The following RYR3 variants were observed in gnomAD, a reference collection of about 807,000 sequenced individuals.
The protein encoded by RYR3 is brain ryanodine receptor-calcium release channel.
RYR3 carries 207 observed loss-of-function variants against 584.3 expected under a neutral mutation model. The ratio of observed to expected loss-of-function variants is 0.35; its 90% CI spans 0.32 to 0.40. The LOEUF (loss-of-function observed/expected upper bound fraction) is 0.40. RYR3 is among the 10% of genes least tolerant of loss of function. RYR3 has a pLI of 1.00. For missense variants in RYR3, 5,616 were observed against 6,089.2 expected, an observed-to-expected ratio of 0.92 and a Z score of 2.59; for synonymous variants, 2,416 against 2,248.5, an observed-to-expected ratio of 1.07 and a Z score of -2.11.
At chr15:33,634,361 T>C (rs866552449) in intron 24 of RYR3, among the ~76,000 whole-genome samples, 4 of 152,228 alleles carry the variant, frequency 2.6e-5, no homozygotes, top group African/African-American at 9.6e-5. Flanking sequence ...AAAAGTGTTT[T>C]TTAATGCTAG....
intron 12 of RYR3, among the ~76,000 whole-genome samples, chr15:33,569,145 A>G (rs1253614595): frequency 6.6e-6 from 1 of 152,210 alleles, no homozygotes; most frequent in African/African-American, 2.4e-5. Context: ...ATTACTAAGA[A>G]CAATGTTTCT....
intron 82 of RYR3, 46 bp downstream of exon 82, chr15:33,825,722 T>C: frequency 1.6e-6 from 1 of 636,236 alleles, no homozygotes; most frequent in South Asian, 2.3e-5. Flanking sequence ...CTGATTAAAA[T>C]CTTTTTTTTT....
chr15:33,718,115 G>A (rs964881188), intron 43 of RYR3, among the ~76,000 whole-genome samples: 1 of 152,190 alleles, frequency 6.6e-6, no homozygotes, highest in African/African-American at 2.4e-5. Flanking sequence ...AATTAAATGA[G>A]TGTCAGTACA....
chr15:33,344,185 G>A (rs1433963786), intron 1 of RYR3, among the ~76,000 whole-genome samples: 1 of 152,114 alleles, frequency 6.6e-6, no homozygotes, highest in Non-Finnish European at 1.5e-5. Context: ...TGAAGGTGAG[G>A]TTTCAATTCA....
At chr15:33,794,128 T>TAATATA (rs1491241987) in intron 67 of RYR3, among the ~76,000 whole-genome samples, 1 of 97,788 alleles carries the variant, frequency 1.0e-5, no homozygotes, top group Non-Finnish European at 1.9e-5. Context: ...TAAATATATA[T>TAATATA]TTATATATAA....
chr15:33,763,607 G>A (rs532317532), intron 60 of RYR3, among the ~76,000 whole-genome samples: 6 of 151,856 alleles, frequency 4.0e-5, no homozygotes, highest in South Asian at 4.2e-4. Flanking sequence ...TTAAAAAGTC[G>A]GGAGGGCAGC....
At chr15:33,615,886 T>G (rs1174087046) in intron 19 of RYR3, among the ~76,000 whole-genome samples, 1 of 152,174 alleles carries the variant, frequency 6.6e-6, no homozygotes. Flanking sequence ...AGCCCTATTT[T>G]CCATCTTCCC....
At chr15:33,597,543 G>A (rs1044352094) in intron 16 of RYR3, among the ~76,000 whole-genome samples, 2 of 151,548 alleles carry the variant, frequency 1.3e-5, no homozygotes, top group African/African-American at 4.9e-5. Context: ...CCCGGGAGGC[G>A]GAGGTTGCAG....
chr15:33,454,379 AAAAT>A (rs978077689), intron 1 of RYR3, among the ~76,000 whole-genome samples: 6 of 152,214 alleles, frequency 3.9e-5, no homozygotes, highest in African/African-American at 1.4e-4. Context: ...CCTGGGCTAA[AAAAT>A]AAAAACTAGA....
At chr15:33,725,186 CACACACACACACACACAT>C (rs1166749163) in intron 45 of RYR3, among the ~76,000 whole-genome samples, 1 of 148,266 alleles carries the variant, frequency 6.7e-6, no homozygotes, top group Non-Finnish European at 1.5e-5. Context: ...CACACACACA[CACACACACACACACACAT>C]ATATACATCC....
intron 67 of RYR3, among the ~76,000 whole-genome samples, chr15:33,789,777 C>A (rs1451468961): frequency 7.6e-6 from 1 of 131,138 alleles, no homozygotes. Flanking sequence ...TGGGCTCATG[C>A]GATTCTCCCA....
chr15:33,513,747 C>G (rs946209301), intron 3 of RYR3, among the ~76,000 whole-genome samples: 5 of 152,106 alleles, frequency 3.3e-5, no homozygotes, highest in African/African-American at 1.2e-4. Context: ...ACATTCTAGC[C>G]TTGGTATTCC....
At chr15:33,665,839 G>A (rs2063465993) in intron 36 of RYR3, among the ~76,000 whole-genome samples, 1 of 152,216 alleles carries the variant, frequency 6.6e-6, no homozygotes, top group South Asian at 2.1e-4. Context: ...TGATGAGTAT[G>A]TACCATCCTT....
In RYR3 at chr15:33,727,760, A is replaced by G. The variant is rs559655022; in HGVS notation, c.7034-1097A>G. Among the ~76,000 whole-genome samples, 14 of 152,202 alleles carry G rather than the reference A, an allele frequency of 9.2e-5. No homozygotes were observed. The East Asian group carries it at 1.5e-3, about 17-fold the overall frequency. ...CTCAGGGTTCCTTATGAAGTCCCAC[A>G]CTTTTCCGGTACAGTATTTAAATAT... On this transcript the variant is annotated intron_variant, in intron 46 of 103. Transcript: ENST00000634891.
At position 33,813,497 on chromosome 15, in the gene RYR3, G is replaced by A. The variant is rs201678035; in HGVS notation, c.10420G>A (p.Val3474Ile). 68 of 1,613,876 alleles carry A rather than the reference G, an allele frequency of 4.2e-5. No homozygotes were observed. The African/African-American group carries it at 5.2e-4, about 12-fold the overall frequency. Residue 3474 changes from valine to isoleucine, a missense_variant, in exon 74 of 104, where the codon GTC becomes ATC. This residue lies in a region of RYR3 where 954 missense variants were observed against 1,132.2 expected (regional missense o/e 0.84). Coordinates refer to ENST00000634891, the MANE Select transcript of RYR3 (RefSeq NM_001036.6). The part of the protein sequence containing the change: ...VEQPLRSKKA[V>I]WHKLLSKQRK... ...ACAGCCTTTGAGGTCCAAGAAGGCC[G>A]TCTGGCACAAACTGTTATCAAAGCA...
intron 92 of RYR3, among the ~76,000 whole-genome samples, chr15:33,843,872 G>A (rs1390898060): frequency 6.6e-6 from 1 of 152,132 alleles, no homozygotes; most frequent in East Asian, 1.9e-4. Flanking sequence ...GAACAACAAG[G>A]TATTTCAAAA....
At chr15:33,826,158 A>G (rs1041958435) in intron 82 of RYR3, 94 bp from the exon 83 acceptor site, 1 of 1,183,332 alleles carries the variant, frequency 8.5e-7, no homozygotes, top group South Asian at 1.2e-5. Context: ...TCTAGGATGG[A>G]TGTGTTCACA....
At chr15:33,781,460 C>T (rs1381370835) in intron 65 of RYR3, among the ~76,000 whole-genome samples, 1 of 152,194 alleles carries the variant, frequency 6.6e-6, no homozygotes, top group Non-Finnish European at 1.5e-5. Context: ...GTTCAAGCCC[C>T]CTTTCTCAAA....
At chr15:33,372,868 A>G (rs561609981) in intron 1 of RYR3, among the ~76,000 whole-genome samples, 15 of 152,278 alleles carry the variant, frequency 9.9e-5, no homozygotes, top group Admixed American at 7.2e-4. Flanking sequence ...CTTCCTGACT[A>G]TTTCAGTGTG....
Sources: allele counts gnomAD v4.1 joint callset (sites outside exome capture counted in the v4.1 genomes callset), GRCh38; gene constraint gnomAD v4.1.1; regional missense constraint gnomAD v4.1.1; transcripts MANE v1.5; gene names NCBI Gene and HGNC (gene_info 2026-07-23, HGNC 2026-07-21).